SNCAIP: variants seen among roughly 807,000 people sequenced by gnomAD.
SNCAIP encodes the protein synphilin-1.
In SNCAIP, 43 loss-of-function variants were observed where a neutral mutation model predicts 86.7. That is an observed-to-expected ratio of 0.50 (90% CI 0.39 to 0.64). The LOEUF (loss-of-function observed/expected upper bound fraction) is 0.64, where lower values mean the gene tolerates loss of function less well. Ranked by LOEUF, SNCAIP falls within the 30% of genes least tolerant of loss-of-function variation. SNCAIP has a pLI of 0.00. For synonymous variants in SNCAIP, 417 were observed against 427.2 expected (o/e 0.98, Z 0.29); for missense variants, 981 against 1,103.1 (o/e 0.89, Z 1.57).
At chr5:122,316,937 C>T (rs754000976) in intron 1 of SNCAIP, among the ~76,000 whole-genome samples, 5 of 152,168 alleles carry the variant, frequency 3.3e-5, no homozygotes, top group Admixed American at 6.5e-5. Flanking sequence ...CTTGGATGGA[C>T]CAGCTCAAAC....
At chr5:122,359,141 A>C (rs927569228) in intron 1 of SNCAIP, among the ~76,000 whole-genome samples, 1 of 152,086 alleles carries the variant, frequency 6.6e-6, no homozygotes, top group Non-Finnish European at 1.5e-5. Context: ...CCTTCAAATA[A>C]GAATTCTGTC....
At chr5:122,417,947 T>A (rs1775642404) in intron 3 of SNCAIP, among the ~76,000 whole-genome samples, 1 of 152,208 alleles carries the variant, frequency 6.6e-6, no homozygotes, top group African/African-American at 2.4e-5. Context: ...ACTCTAGGTA[T>A]GTGCAGGTAT....
At chr5:122,346,138 G>T (rs574112950) in intron 1 of SNCAIP, among the ~76,000 whole-genome samples, 115 of 152,142 alleles carry the variant, frequency 7.6e-4, no homozygotes, top group African/African-American at 2.6e-3. Flanking sequence ...TGATATGGAG[G>T]GATACAAAGA....
At chr5:122,441,535 C>T (rs2152973183) in intron 7 of SNCAIP, among the ~76,000 whole-genome samples, 1 of 152,230 alleles carries the variant, frequency 6.6e-6, no homozygotes, top group South Asian at 2.1e-4. Flanking sequence ...AAGAAAGCTC[C>T]CTAGAGAGTG....
At chr5:122,329,064 C>T (rs1355629623) in intron 1 of SNCAIP, among the ~76,000 whole-genome samples, 2 of 152,146 alleles carry the variant, frequency 1.3e-5, no homozygotes, top group African/African-American at 4.8e-5. Context: ...ACTGCAGGCT[C>T]CTCAATGCCA....
intron 1 of SNCAIP, among the ~76,000 whole-genome samples, chr5:122,368,043 C>A (rs1328538718): frequency 2.6e-5 from 4 of 152,144 alleles, no homozygotes; most frequent in Non-Finnish European, 5.9e-5. Context: ...AGTCTTCTGA[C>A]TTTGGAGTCG....
At position 122,316,528 on chromosome 5, in the gene SNCAIP, C is replaced by T. The variant is rs1048978527; in HGVS notation, c.-47+4244C>T. Reference sequence around the variant, plus strand: ...ACTTGAAGATTTATTTCGGCCTAGACGTGGGGAAGCAAGAGGTAAGAAGGC... The same window carrying T: ...ACTTGAAGATTTATTTCGGCCTAGATGTGGGGAAGCAAGAGGTAAGAAGGC... On this transcript the variant is annotated intron_variant, in intron 1 of 10. Coordinates refer to ENST00000261368, the MANE Select transcript of SNCAIP (RefSeq NM_005460.4). Among the ~76,000 whole-genome samples, 9 of 152,224 alleles carry T rather than the reference C, an allele frequency of 5.9e-5. No homozygotes were observed. In the South Asian group the frequency reaches 8.3e-4, roughly 14 times the overall value.
chr5:122,437,225 C>A (rs1335624738), intron 6 of SNCAIP: 2 of 152,166 alleles, frequency 1.3e-5, no homozygotes, highest in African/African-American at 4.8e-5. Flanking sequence ...CAAGTGCCCT[C>A]TTGGCTGAAG....
rs142872500 is a variant in SNCAIP, at chr5:122,321,689, C to T, written c.-47+9405C>T. Reference sequence around the variant, plus strand: ...AAGGGCTTGGTATATGGAGGCTTACCTGTCCAACCCCTGCTCCCTGGCTCT... The same window carrying T: ...AAGGGCTTGGTATATGGAGGCTTACTTGTCCAACCCCTGCTCCCTGGCTCT... On this transcript the variant is annotated intron_variant, in intron 1 of 10. Transcript: ENST00000261368. The T allele has an allele frequency of 2.0e-5, 3 of 152,266 alleles. No homozygotes were observed. In the East Asian group the frequency reaches 5.8e-4, roughly 29 times the overall value. 9.4% of individuals were successfully genotyped at this position (152,266 alleles called of 1,614,324 possible). A position where few individuals can be genotyped will look rare whatever the true frequency, so the allele number is the denominator to read the frequency against.
chr5:122,384,138 A>G (rs1244559955), intron 1 of SNCAIP, among the ~76,000 whole-genome samples: 1 of 152,228 alleles, frequency 6.6e-6, no homozygotes, highest in African/African-American at 2.4e-5. Context: ...TAGATGGTTC[A>G]AAGACACACC....
At chr5:122,368,210 T>C (rs1763560955) in intron 1 of SNCAIP, among the ~76,000 whole-genome samples, 1 of 152,160 alleles carries the variant, frequency 6.6e-6, no homozygotes, top group Non-Finnish European at 1.5e-5. Context: ...GGGCTCCTCC[T>C]TTGGATACCC....
intron 2 of SNCAIP, among the ~76,000 whole-genome samples, chr5:122,395,682 T>C (rs1770452873): frequency 6.6e-6 from 1 of 152,158 alleles, no homozygotes. Context: ...TTCTGTTTTG[T>C]GTGCATCACC....
At chr5:122,372,033 C>A (rs777263904) in intron 1 of SNCAIP, among the ~76,000 whole-genome samples, 4 of 151,954 alleles carry the variant, frequency 2.6e-5, no homozygotes, top group Non-Finnish European at 5.9e-5. Flanking sequence ...AACTGTCAGC[C>A]CCCAGTTGCC....
chr5:122,376,537 T>C (rs192336234), intron 1 of SNCAIP, among the ~76,000 whole-genome samples: 39 of 152,292 alleles, frequency 2.6e-4, no homozygotes, highest in South Asian at 2.1e-4. Context: ...GTTTTCTTTT[T>C]CTTTCCAGAT....
chr5:122,417,937 A>G (rs1391955019), intron 3 of SNCAIP, among the ~76,000 whole-genome samples: 1 of 152,134 alleles, frequency 6.6e-6, no homozygotes, highest in Non-Finnish European at 1.5e-5. Flanking sequence ...AAAATGCCCA[A>G]CTCTAGGTAT....
intron 5 of SNCAIP, among the ~76,000 whole-genome samples, chr5:122,430,823 AT>A (rs1778273399): frequency 1.3e-5 from 2 of 152,080 alleles, no homozygotes; most frequent in South Asian, 4.1e-4. Flanking sequence ...CTTTTACTTG[AT>A]CCTAAAGGTC....
In SNCAIP at chr5:122,378,970, T is replaced by C. The variant is rs1387434845; in HGVS notation, c.-46-12119T>C. ...TGTAGTATAGTTTGAAGTCAGGTAGTGTGATGCCTCCAGCTTTGTTCTTTT... is the reference window on the plus strand; with the variant it reads ...TGTAGTATAGTTTGAAGTCAGGTAGCGTGATGCCTCCAGCTTTGTTCTTTT... On this transcript the variant is annotated intron_variant, in intron 1 of 10. Transcript: ENST00000261368. 5.1e-4 allele frequency among the ~76,000 whole-genome samples: 69 copies of C among 135,942 alleles called. 1 individual carries two copies. The highest frequency in any genetic ancestry group is 1.8e-3 in the African/African-American group (63 of 35,874). The allele number at this position is 135,942 out of a possible 152,430, so 89.2% of individuals were successfully genotyped here. A position where few individuals can be genotyped will look rare whatever the true frequency, so the allele number is the denominator to read the frequency against.
intron 3 of SNCAIP, among the ~76,000 whole-genome samples, chr5:122,417,110 G>A (rs1775464758): frequency 6.6e-6 from 1 of 152,098 alleles, no homozygotes; most frequent in Admixed American, 6.6e-5. Flanking sequence ...AAAATAAATA[G>A]GCATTTTGGG....
At chr5:122,418,352 G>A (rs759724057) in intron 3 of SNCAIP, among the ~76,000 whole-genome samples, 8 of 152,102 alleles carry the variant, frequency 5.3e-5, no homozygotes, top group Non-Finnish European at 1.0e-4. Context: ...GTCTACCTCT[G>A]TTATTTTTGC....
Sources: allele counts gnomAD v4.1 joint callset (sites outside exome capture counted in the v4.1 genomes callset), GRCh38; gene constraint gnomAD v4.1.1; transcripts MANE v1.5; gene names NCBI Gene and HGNC (gene_info 2026-07-23, HGNC 2026-07-21).